The following SHANK2 variants were observed in gnomAD, a reference collection of about 807,000 sequenced individuals.
The protein encoded by SHANK2 is SH3 and multiple ankyrin repeat domains 2.
In SHANK2, 43 loss-of-function variants were observed where a neutral mutation model predicts 133.7. That is an observed-to-expected ratio of 0.32 (90% confidence interval 0.25 to 0.41). SHANK2 has a LOEUF of 0.41. Ranked by LOEUF, SHANK2 falls within the 10% of genes least tolerant of loss-of-function variation. The pLI is 1.00. For synonymous variants in SHANK2, 1,017 were observed against 952.8 expected (o/e 1.07, Z -1.24); for missense variants, 1,994 against 2,235.8 (o/e 0.89, Z 2.18).
At chr11:71,100,516 A>T (rs1951700405) in intron 6 of SHANK2, among the ~76,000 whole-genome samples, 1 of 152,236 alleles carries the variant, frequency 6.6e-6, no homozygotes, top group South Asian at 2.1e-4. Flanking sequence ...AGCCAATCTG[A>T]AAAGGCTGCA....
intron 2 of SHANK2, among the ~76,000 whole-genome samples, chr11:71,168,789 AGAGAGGGAGAGGGAGACCATGGG>A (rs1194246901): frequency 2.8e-5 from 4 of 144,920 alleles, no homozygotes; most frequent in African/African-American, 7.7e-5. Context: ...GAGACCGTGG[AGAGAGGGAGAGGGAGACCATGGG>A]GAGAGGGAGA....
chr11:70,588,391 G>A (rs2060280940), intron 17 of SHANK2, among the ~76,000 whole-genome samples: 1 of 152,200 alleles, frequency 6.6e-6, no homozygotes, highest in Non-Finnish European at 1.5e-5. Flanking sequence ...CAGTCCTCTT[G>A]CACCAGTTTA....
At chr11:70,947,132 AACACACACACACACACACAC>A (rs144004521) in intron 10 of SHANK2, among the ~76,000 whole-genome samples, 58 of 126,584 alleles carry the variant, frequency 4.6e-4, no homozygotes, top group East Asian at 1.7e-3. Context: ...GCACCTCTCC[AACACACACACACACACACAC>A]ACACACACAC....
chr11:71,097,351 G>A (rs1555095657), intron 6 of SHANK2, among the ~76,000 whole-genome samples: 4 of 151,980 alleles, frequency 2.6e-5, no homozygotes, highest in South Asian at 2.1e-4. Flanking sequence ...GCACTGCCCG[G>A]GATGCACACC....
intron 2 of SHANK2, among the ~76,000 whole-genome samples, chr11:71,152,910 A>T (rs1555108376): frequency 6.6e-6 from 1 of 152,182 alleles, no homozygotes; most frequent in Non-Finnish European, 1.5e-5. Flanking sequence ...TCCCGGGGAG[A>T]GCCACCAGGC....
chr11:70,694,590 T>C (rs1555021817), intron 15 of SHANK2, among the ~76,000 whole-genome samples: 2 of 152,230 alleles, frequency 1.3e-5, no homozygotes. Context: ...TTTCTGCTGC[T>C]CATTAGTCTA....
intron 8 of SHANK2, among the ~76,000 whole-genome samples, chr11:71,086,344 ATATAG>A (rs1295714536): frequency 7.3e-5 from 9 of 123,706 alleles, no homozygotes; most frequent in African/African-American, 2.9e-4. Context: ...GTTATATAAG[ATATAG>A]TATATGTTAT....
chr11:70,806,530 G>A (rs1948164316), intron 13 of SHANK2, among the ~76,000 whole-genome samples: 1 of 152,152 alleles, frequency 6.6e-6, no homozygotes, highest in African/African-American at 2.4e-5. Context: ...GCTTCTCAAC[G>A]CTGGTTCTCA....
chr11:70,820,977 G>A (rs1358902449), intron 11 of SHANK2, among the ~76,000 whole-genome samples: 1 of 152,146 alleles, frequency 6.6e-6, no homozygotes, highest in African/African-American at 2.4e-5. Context: ...TGGCCTGGGA[G>A]ACGTCCGGCT....
intron 23 of SHANK2, 147 bp downstream of exon 23, chr11:70,490,129 C>A: frequency 1.5e-6 from 1 of 686,032 alleles, no homozygotes; most frequent in South Asian, 1.7e-5. Flanking sequence ...CAGGTTCCCA[C>A]CCTCTGGTGG....
intron 2 of SHANK2, among the ~76,000 whole-genome samples, chr11:71,171,303 C>T (rs782360188): frequency 2.0e-5 from 3 of 152,090 alleles, no homozygotes; most frequent in Non-Finnish European, 4.4e-5. Flanking sequence ...AGGCTGAGAG[C>T]GAGACTCAAT....
At chr11:70,752,103 A>G (rs1413975001) in intron 14 of SHANK2, among the ~76,000 whole-genome samples, 1 of 152,160 alleles carries the variant, frequency 6.6e-6, no homozygotes, top group Non-Finnish European at 1.5e-5. Flanking sequence ...TTTTTATTTA[A>G]AAAGTTGACT....
At chr11:70,903,059 G>C (rs1555077135) in intron 10 of SHANK2, among the ~76,000 whole-genome samples, 1 of 152,148 alleles carries the variant, frequency 6.6e-6, no homozygotes, top group Admixed American at 6.5e-5. Context: ...CTCCTCCTTA[G>C]CACCTCAAGT....
intron 23 of SHANK2, chr11:70,489,818 T>G: frequency 4.8e-6 from 1 of 208,800 alleles, no homozygotes; most frequent in Non-Finnish European, 8.3e-6. Flanking sequence ...ACACAGTACA[T>G]TATTTCATTT....
At chr11:70,891,792 C>T (rs1242968967) in intron 11 of SHANK2, among the ~76,000 whole-genome samples, 1 of 152,166 alleles carries the variant, frequency 6.6e-6, no homozygotes, top group African/African-American at 2.4e-5. Flanking sequence ...ATGATGGACC[C>T]TCACCCTGAC....
chr11:70,604,398 C>T (rs2060546186), intron 17 of SHANK2: 1 of 152,414 alleles, frequency 6.6e-6, no homozygotes, highest in Admixed American at 6.5e-5. Context: ...GAGGACCCTC[C>T]AGAACCCTCT....
rs191891684 is a variant in SHANK2 at position 70,858,384 on chromosome 11, G to A, written c.1175-37702C>T. 3.3e-5 allele frequency among the ~76,000 whole-genome samples: 5 copies of A among 152,360 alleles called. No individual in the cohort carries two copies. In the East Asian group the frequency reaches 9.6e-4, roughly 29 times the overall value. On this transcript the variant is annotated intron_variant, in intron 11 of 25. Transcript: ENST00000601538. Reference sequence around the variant, plus strand: ...CATGTCTGAAGCTGCAGGCATGGCAGTGTGCCATGCAAAAGCCCATGGCCT... The same window carrying A: ...CATGTCTGAAGCTGCAGGCATGGCAATGTGCCATGCAAAAGCCCATGGCCT...
Position 70,811,658 on chromosome 11 carries a change from C to T in SHANK2, c.1494-4487G>A, listed in dbSNP as rs570754016. 1.9e-3 allele frequency among the ~76,000 whole-genome samples: 281 copies of T among 150,884 alleles called. 1 individual carries two copies. Among genetic ancestry groups the T allele is most frequent in the African/African-American group, 6.5e-3 (269 of 41,094 alleles). On this transcript the variant is annotated intron_variant, in intron 12 of 25. Transcript: ENST00000601538. ...CCACTCATCCATCCATCCATCCATC[C>T]ATCATCTATTCATCCATCCATTCAT...
At chr11:71,235,170 G>A (rs888498908) in intron 1 of SHANK2, among the ~76,000 whole-genome samples, 6 of 152,274 alleles carry the variant, frequency 3.9e-5, no homozygotes, top group South Asian at 2.1e-4. Flanking sequence ...ATGCTAATGA[G>A]GTGACTTAGG....
Sources: allele counts gnomAD v4.1 joint callset (sites outside exome capture counted in the v4.1 genomes callset), GRCh38; gene constraint gnomAD v4.1.1; transcripts MANE v1.5; gene names NCBI Gene and HGNC (gene_info 2026-07-23, HGNC 2026-07-21).